GPR20: variants seen among roughly 807,000 people sequenced by gnomAD.
The protein encoded by GPR20 is CTD-3064M3.3.
For synonymous variants in GPR20, 241 were observed against 241.9 expected, an observed-to-expected ratio of 1.00 and a Z score of 0.04; for missense variants, 494 against 527.4, an observed-to-expected ratio of 0.94 and a Z score of 0.62.
In GPR20 at chr8:141,356,784, G is replaced by T; in HGVS notation, c.*63C>A. The T allele has an allele frequency of 6.0e-6, 7 of 1,173,868 alleles. No individual in the cohort carries two copies. The highest frequency in any genetic ancestry group is 4.5e-4 in the Middle Eastern group (2 of 4,440). The allele number at this position is 1,173,868 out of a possible 1,614,324, so 72.7% of individuals were successfully genotyped here. On this transcript the variant is annotated 3_prime_UTR_variant, in exon 2 of 2. Transcript: ENST00000377741. Reference sequence around the variant, plus strand: ...AACCGATTGCCACCCCTGGCATGGTGGGTGTCCACGCTGGCATGCCCAGAT... The same window carrying T: ...AACCGATTGCCACCCCTGGCATGGTTGGTGTCCACGCTGGCATGCCCAGAT...
In GPR20 at chr8:141,356,930, A is replaced by G. The variant is rs763419192; in HGVS notation, c.994T>C (p.Ser332Pro). Residue 332 changes from serine (S) to proline (P), a missense_variant, in exon 2 of 2, where the codon TCC (serine) becomes CCC (proline). Ser to Pro is a moderately conservative substitution (Grantham distance 74). Coordinates refer to ENST00000377741, the MANE Select transcript of GPR20 (RefSeq NM_005293.3). ...SGDVVSMHRS[S>P]KGSGRHHILS... ...ATGTGATGACGGCCTGAGCCCTTGG[A>G]GCTCCTGTGCATGCTGACCACGTCA... is the stretch of plus-strand genomic sequence containing the variant. 2.5e-6 allele frequency: 4 copies of G among 1,612,608 alleles called. No homozygotes were observed. The South Asian group carries it at 4.4e-5, about 18-fold the overall frequency.
chr8:141,362,743 C>T (rs1831752694), intron 1 of GPR20, among the ~76,000 whole-genome samples: 1 of 152,102 alleles, frequency 6.6e-6, no homozygotes, highest in Non-Finnish European at 1.5e-5. Context: ...ACTTACATTC[C>T]TTCCCACCCT....
At chr8:141,358,081 G>A in intron 1 of GPR20, 134 bp from the exon 2 acceptor site, 3 of 592,596 alleles carry the variant, frequency 5.1e-6, no homozygotes, top group South Asian at 2.1e-5. Context: ...CCTGGCTGGG[G>A]CCTCAAATGC....
At chr8:141,358,863 G>A (rs1831691783) in intron 1 of GPR20, among the ~76,000 whole-genome samples, 1 of 152,176 alleles carries the variant, frequency 6.6e-6, no homozygotes, top group Non-Finnish European at 1.5e-5. Context: ...GCCAGAGTGT[G>A]AGTCAAATAA....
rs577696031 is a variant in GPR20 at position 141,359,099 on chromosome 8, G to A, written c.-24-1152C>T. On this transcript the variant is annotated intron_variant, in intron 1 of 1. Transcript: ENST00000377741. ...CTGGCTTTTTCAGGAGAAAGGAGAA[G>A]TCTTTGGGGCCAGCAGGGTGGGGAG... Among the ~76,000 whole-genome samples the A allele has an allele frequency of 1.8e-3, 218 of 119,580 alleles. 1 individual carries two copies. Among genetic ancestry groups the A allele is most frequent in the Admixed American group, 3.5e-3 (50 of 14,272 alleles). 78.4% of individuals were successfully genotyped at this position (119,580 alleles called of 152,430 possible). A position where few individuals can be genotyped will look rare whatever the true frequency, so the allele number is the denominator to read the frequency against.
rs201980539 is a variant in GPR20 at position 141,357,120 on chromosome 8, G to A, written c.804C>T (p.Pro268=). 67 of 1,611,378 alleles carry A rather than the reference G, an allele frequency of 4.2e-5. No individual in the cohort carries two copies. Among genetic ancestry groups the A allele is most frequent in the East Asian group, 1.6e-4 (7 of 44,886 alleles). Residue 268 remains proline, a synonymous_variant, in exon 2 of 2, where the codon CCC becomes CCT. Coordinates refer to ENST00000377741, the MANE Select transcript of GPR20 (RefSeq NM_005293.3). The stretch of plus-strand genomic sequence containing the variant: ...CGAGGCTCGTGTGGTGTGGCATGTC[G>A]GGCCACAGCGCCACGGCCACTTGGC... ...HARQVAVALW[P]DMPHHTSLVV...
chr8:141,361,580 T>A (rs929318904), intron 1 of GPR20, among the ~76,000 whole-genome samples: 3 of 152,046 alleles, frequency 2.0e-5, no homozygotes, highest in Non-Finnish European at 4.4e-5. Context: ...GGGGGCGAGC[T>A]CTGCTCCAAC....
At chr8:141,362,390 G>A (rs1023461534) in intron 1 of GPR20, among the ~76,000 whole-genome samples, 1 of 152,204 alleles carries the variant, frequency 6.6e-6, no homozygotes, top group African/African-American at 2.4e-5. Flanking sequence ...GCATCTTGAG[G>A]CGGGGCTGTG....
chr8:141,356,581 C>G lies in GPR20; in HGVS notation c.*266G>C, dbSNP rs1037238796. The G allele has an allele frequency of 6.0e-5, 25 of 415,540 alleles. No individual in the cohort carries two copies. The highest frequency in any genetic ancestry group is 8.5e-6 in the Non-Finnish European group (2 of 235,612). 25.7% of individuals were successfully genotyped at this position (415,540 alleles called of 1,614,324 possible). ...ACTGGCCAAAGTGAGGAGCAGCTCC[C>G]GGCTACCCCTGTGAGTTTTCAGTGG... On this transcript the variant is annotated 3_prime_UTR_variant, in exon 2 of 2. Transcript: ENST00000377741.
At position 141,357,244 on chromosome 8, in the gene GPR20, C is replaced by A. The variant is rs759063709; in HGVS notation, c.680G>T (p.Gly227Val). 1 of 1,546,544 alleles carries A rather than the reference C, an allele frequency of 6.5e-7. No individual in the cohort carries two copies. The highest frequency in any genetic ancestry group is 1.2e-5 in the South Asian group (1 of 85,226). The change falls in exon 2 of 2, where the codon GGT (glycine) becomes GTT (valine). Residue 227 changes from glycine to valine, a missense_variant. By Grantham distance (109) the Gly-to-Val change is moderately radical. Coordinates refer to ENST00000377741, the MANE Select transcript of GPR20 (RefSeq NM_005293.3). The part of the protein sequence containing the change: ...GRIMCALSRP[G>V]LLHQGRQRRV... The stretch of plus-strand genomic sequence containing the variant: ...GCGCTGGCGACCCTGGTGGAGCAGA[C>A]CCGGCCGCGACAGTGCACACATGAT...
intron 1 of GPR20, among the ~76,000 whole-genome samples, chr8:141,366,877 G>A (rs1224422250): frequency 6.6e-6 from 1 of 152,224 alleles, no homozygotes; most frequent in Non-Finnish European, 1.5e-5. Context: ...CTCGGTGAGT[G>A]TTGAACGGAG....
At position 141,357,501 on chromosome 8, in the gene GPR20, G is replaced by A. The variant is rs750157703; in HGVS notation, c.423C>T (p.Leu141=). The change falls in exon 2 of 2, where the codon CTC becomes CTT. Residue 141 remains leucine (L), a synonymous_variant. Transcript: ENST00000377741. ...FLNMHCSILF[L]TCICVDRYLA... ...GGTAGCGGTCCACGCAGATGCAGGT[G>A]AGGAAGAGGATGGAGCAGTGCATGT... The A allele has an allele frequency of 4.3e-6, 7 of 1,613,372 alleles. No homozygotes were observed. In the Admixed American group the frequency reaches 1.2e-4, roughly 27 times the overall value.
Position 141,356,578 on chromosome 8 carries a change from T to C in GPR20, c.*269A>G, listed in dbSNP as rs1463037546. ...CAAACTGGCCAAAGTGAGGAGCAGC[T>C]CCCGGCTACCCCTGTGAGTTTTCAG... On this transcript the variant is annotated 3_prime_UTR_variant, in exon 2 of 2. Transcript: ENST00000377741. The C allele has an allele frequency of 2.4e-6, 1 of 414,126 alleles. No homozygotes were observed. Among genetic ancestry groups the C allele is most frequent in the Non-Finnish European group, 4.3e-6 (1 of 234,662 alleles). The allele number at this position is 414,126 out of a possible 1,614,324, so 25.7% of individuals were successfully genotyped here. A position where few individuals can be genotyped will look rare whatever the true frequency, so the allele number is the denominator to read the frequency against.
At position 141,364,395 on chromosome 8, in the gene GPR20, C is replaced by T. The variant is rs1831784384; in HGVS notation, c.-25+2806G>A. Among the ~76,000 whole-genome samples the T allele has an allele frequency of 2.0e-5, 3 of 152,232 alleles. No individual in the cohort carries two copies. The South Asian group carries it at 6.2e-4, about 32-fold the overall frequency. On this transcript the variant is annotated intron_variant, in intron 1 of 1. Transcript: ENST00000377741. ...ATATCATCTGCTGTTTTTGATAAGT[C>T]TGAGCCTCCGTTTCTTCCACCAAGA...
chr8:141,359,608 G>A (rs1434842448), intron 1 of GPR20, among the ~76,000 whole-genome samples: 2 of 152,210 alleles, frequency 1.3e-5, no homozygotes, highest in Non-Finnish European at 2.9e-5. Context: ...CCTGACACGC[G>A]GGCATTGATG....
At chr8:141,362,791 T>C (rs2154616626) in intron 1 of GPR20, among the ~76,000 whole-genome samples, 1 of 152,076 alleles carries the variant, frequency 6.6e-6, no homozygotes, top group Non-Finnish European at 1.5e-5. Context: ...TTTCTTTTTT[T>C]TTTTTGAGAC....
rs754809287 is a variant in GPR20 at position 141,357,633 on chromosome 8, C to A, written c.291G>T (p.Val97=). The change falls in exon 2 of 2, where the codon GTG becomes GTT. Residue 97 remains valine, a synonymous_variant. Transcript: ENST00000377741. ...GGGACAGCCCTACCAGTAGATCGGT[C>A]ACCACCAGGTTGATGGTGTAGATGA... ...PSVIYTINLV[V]TDLLVGLSLP... is the part of the protein sequence containing the mutation. The A allele has an allele frequency of 1.2e-6, 2 of 1,613,882 alleles. No homozygotes were observed. Among genetic ancestry groups the A allele is most frequent in the African/African-American group, 2.7e-5 (2 of 74,940 alleles).
In GPR20 at chr8:141,356,868, C is replaced by T. The variant is rs1345624469; in HGVS notation, c.1056G>A (p.Leu352=). 6.2e-7 allele frequency: 1 copy of T among 1,601,292 alleles called. No individual in the cohort carries two copies. The highest frequency in any genetic ancestry group is 8.5e-7 in the Non-Finnish European group (1 of 1,171,848). The change falls in exon 2 of 2, where the codon CTG becomes CTA. Residue 352 remains leucine (L), a synonymous_variant. Coordinates refer to ENST00000377741, the MANE Select transcript of GPR20 (RefSeq NM_005293.3). ...SAGPHALTQA[L]ANGPEA ...CTGACTAAGCCTCGGGCCCATTAGC[C>T]AGGGCCTGGGTGAGGGCGTGAGGGC...
rs758617428 is a variant in GPR20 at position 141,357,488 on chromosome 8, C to T, written c.436G>A (p.Val146Met). ...CGCACGATGGCCAGGTAGCGGTCCA[C>T]GCAGATGCAGGTGAGGAAGAGGATG... ...CSILFLTCIC[V>M]DRYLAIVRPE... Residue 146 changes from valine to methionine, a missense_variant, in exon 2 of 2, where the codon GTG becomes ATG. Coordinates refer to ENST00000377741, the MANE Select transcript of GPR20 (RefSeq NM_005293.3). 1.6e-5 allele frequency: 26 copies of T among 1,612,954 alleles called. No homozygotes were observed. Among genetic ancestry groups the T allele is most frequent in the African/African-American group, 1.2e-4 (9 of 74,946 alleles).
Sources: allele counts gnomAD v4.1 joint callset (sites outside exome capture counted in the v4.1 genomes callset), GRCh38; gene constraint gnomAD v4.1.1; transcripts MANE v1.5; gene names NCBI Gene and HGNC (gene_info 2026-07-23, HGNC 2026-07-21).